MYO9A: variants seen among roughly 807,000 people sequenced by gnomAD.
MYO9A encodes the protein unconventional myosin-IXa.
Under a neutral mutation model 293.3 loss-of-function variants are expected in MYO9A, and 103 were observed. The ratio of observed to expected loss-of-function variants is 0.35; its 90% confidence interval spans 0.30 to 0.41. The LOEUF is 0.41. MYO9A is among the 10% of genes least tolerant of loss of function. MYO9A has a pLI of 1.00. For synonymous variants in MYO9A, 1,001 were observed against 1,035.7 expected, an observed-to-expected ratio of 0.97 and a Z score of 0.64; for missense variants, 2,685 against 3,033.0, an observed-to-expected ratio of 0.89 and a Z score of 2.69.
chr15:72,026,345 C>CA (rs1237266669), intron 4 of MYO9A, among the ~76,000 whole-genome samples: 7 of 133,136 alleles, frequency 5.3e-5, no homozygotes, highest in African/African-American at 2.0e-4. Flanking sequence ...GGAAATTTGA[C>CA]AACACATTCC....
chr15:71,845,572 T>C (rs1433505524), intron 39 of MYO9A, among the ~76,000 whole-genome samples: 1 of 152,218 alleles, frequency 6.6e-6, no homozygotes, highest in East Asian at 1.9e-4. Flanking sequence ...TCTGTACTAA[T>C]TACATACAAG....
chr15:72,019,597 T>C (rs2077441298), intron 5 of MYO9A, among the ~76,000 whole-genome samples: 1 of 152,184 alleles, frequency 6.6e-6, no homozygotes, highest in African/African-American at 2.4e-5. Context: ...ATTAATAATA[T>C]TATATCAGAA....
intron 2 of MYO9A, among the ~76,000 whole-genome samples, chr15:72,040,606 G>GT (rs941705095): frequency 1.3e-5 from 2 of 152,090 alleles, no homozygotes; most frequent in African/African-American, 4.8e-5. Context: ...AGTATTTTCC[G>GT]TTTTTTTGAG....
rs540469209 is a variant in MYO9A, at chr15:72,023,940, A to C, written c.999-2923T>G. On this transcript the variant is annotated intron_variant, in intron 4 of 41. Transcript: ENST00000356056. ...AAAGACAAAGAATTTTGAAAGCACC[A>C]AGAGAGAAATTCCTCATCAAGGAAT... 4.5e-4 allele frequency among the ~76,000 whole-genome samples: 69 copies of C among 152,278 alleles called. 1 individual carries two copies. In the South Asian group the frequency reaches 0.014, roughly 31 times the overall value.
rs1413458727 is a variant in MYO9A at position 71,859,796 on chromosome 15, A to G, written c.6092T>C (p.Leu2031Ser). The G allele has an allele frequency of 1.9e-6, 3 of 1,612,808 alleles. No individual in the cohort carries two copies. The highest frequency in any genetic ancestry group is 2.5e-6 in the Non-Finnish European group (3 of 1,179,274). Residue 2031 changes from leucine (L) to serine (S), a missense_variant and splice_region_variant, in exon 34 of 42, where the codon TTA becomes TCA. By Grantham distance (145) the Leu-to-Ser change is moderately radical. Around this residue, in one of 10 missense-constraint regions of MYO9A, gnomAD observed 238 missense variants for 269.1 expected, o/e 0.88. Coordinates refer to ENST00000356056, the MANE Select transcript of MYO9A (RefSeq NM_006901.4). ...CTTCTTATGGCAAGCATACTTGCAT[A>G]CTGAAAAATAGGTGAGGAATGCAAC... Reference protein sequence around the residue: ...WIMDRASVCKLCKYACHKKCC... With the variant: ...WIMDRASVCKSCKYACHKKCC...
Position 71,999,907 on chromosome 15 carries a change from T to TA in MYO9A, c.1413dup (p.Thr472TyrfsTer29). ...TCTCCCACTGTCACCGTCTTCCTTG[T>TA]AACTAATGCTTCAAATAGCATCTCT... On this transcript the variant is annotated frameshift_variant, in exon 9 of 42. Coordinates refer to ENST00000356056, the MANE Select transcript of MYO9A (RefSeq NM_006901.4). LOFTEE classifies it high-confidence loss of function. 6.2e-7 allele frequency: 1 copy of TA among 1,612,834 alleles called. No individual in the cohort carries two copies. Among genetic ancestry groups the TA allele is most frequent in the Non-Finnish European group, 8.5e-7 (1 of 1,179,544 alleles).
chr15:72,078,300 C>G (rs1261538068), intron 1 of MYO9A, among the ~76,000 whole-genome samples: 1 of 152,078 alleles, frequency 6.6e-6, no homozygotes, highest in Non-Finnish European at 1.5e-5. Flanking sequence ...TCAAGACCAG[C>G]CTGGGCAATG....
chr15:71,833,113 C>T (rs551555340), intron 39 of MYO9A, among the ~76,000 whole-genome samples: 1 of 151,602 alleles, frequency 6.6e-6, no homozygotes, highest in East Asian at 1.9e-4. Flanking sequence ...ATAAAAAGCA[C>T]ATAAAAAACA....
intron 10 of MYO9A, among the ~76,000 whole-genome samples, chr15:71,992,603 A>C (rs1392918858): frequency 1.3e-5 from 2 of 152,178 alleles, no homozygotes; most frequent in African/African-American, 4.8e-5. Context: ...GTTTACCTGA[A>C]GCATGAAAAA....
chr15:72,087,183 G>A (rs2079765076), intron 1 of MYO9A, among the ~76,000 whole-genome samples: 1 of 152,336 alleles, frequency 6.6e-6, no homozygotes, highest in Admixed American at 6.5e-5. Flanking sequence ...GGCGCAACCA[G>A]GCTGGGTCCC....
chr15:71,960,985 T>C (rs117157597), intron 13 of MYO9A, among the ~76,000 whole-genome samples: 2,664 of 152,242 alleles, frequency 0.017, 35 homozygotes, highest in Non-Finnish European at 0.026. Context: ...AAATAGGCTA[T>C]TTAGACTCTG....
At chr15:71,870,269 G>A (rs1439652283) in intron 32 of MYO9A, among the ~76,000 whole-genome samples, 1 of 151,810 alleles carries the variant, frequency 6.6e-6, no homozygotes, top group Non-Finnish European at 1.5e-5. Context: ...ACAAAGAAAG[G>A]AGTAATTAAA....
chr15:71,829,560 A>G (rs1268625163), intron 40 of MYO9A, among the ~76,000 whole-genome samples: 4 of 151,306 alleles, frequency 2.6e-5, no homozygotes, highest in African/African-American at 7.3e-5. Flanking sequence ...CCTATCTAGT[A>G]TCCTAGCACC....
chr15:72,080,748 TTCTC>T (rs1316217846), intron 1 of MYO9A, among the ~76,000 whole-genome samples: 3 of 152,222 alleles, frequency 2.0e-5, no homozygotes, highest in East Asian at 3.9e-4. Flanking sequence ...TTTTTCCTGA[TTCTC>T]TCTCTGCTCC....
chr15:72,036,088 T>C lies in MYO9A; in HGVS notation c.841-3500A>G, dbSNP rs192949569. Among the ~76,000 whole-genome samples the C allele has an allele frequency of 3.3e-3, 496 of 152,246 alleles. 1 individual carries two copies. The highest frequency in any genetic ancestry group is 4.5e-3 in the Non-Finnish European group (307 of 68,018). On this transcript the variant is annotated intron_variant, in intron 2 of 41. Coordinates refer to ENST00000356056, the MANE Select transcript of MYO9A (RefSeq NM_006901.4). ...GGCACAAAAAAGACAATTTCAGATA[T>C]ACATAGTTGAAAATATTCATCACAA...
intron 30 of MYO9A, among the ~76,000 whole-genome samples, chr15:71,879,483 C>T (rs1271673927): frequency 6.6e-6 from 1 of 152,136 alleles, no homozygotes; most frequent in African/African-American, 2.4e-5. Context: ...AAAAAAACAG[C>T]TGTAAGGTGG....
intron 28 of MYO9A, among the ~76,000 whole-genome samples, chr15:71,882,481 A>G (rs974907781): frequency 1.3e-4 from 20 of 152,098 alleles, no homozygotes; most frequent in Non-Finnish European, 2.9e-4. Context: ...TTAAAATAAG[A>G]GCTATGGGAC....
At chr15:71,906,758 C>CTTTCTTTTTTTTTTTCTTTTTTTT (rs765264146) in intron 19 of MYO9A, among the ~76,000 whole-genome samples, 1 of 61,012 alleles carries the variant, frequency 1.6e-5, no homozygotes, top group Non-Finnish European at 3.1e-5. Flanking sequence ...CCATTTCTTT[C>CTTTCTTTTTTTTTTTCTTTTTTTT]TTTTTTTTTT....
chr15:71,830,253 C>T lies in MYO9A; in HGVS notation c.6896G>A (p.Arg2299Gln), dbSNP rs1199432106. The change falls in exon 40 of 42, where the codon CGG becomes CAG. Residue 2299 changes from arginine (R) to glutamine (Q), a missense_variant. Transcript: ENST00000356056. ...YPGPSSPVVV[R>Q]LPSVSDVSEE... ...TGAGACATCAGACACAGAAGGCAAC[C>T]GAACTACAACAGGAGACGATGGACC... 12 of 1,613,910 alleles carry T rather than the reference C, an allele frequency of 7.4e-6. No homozygotes were observed. The highest frequency in any genetic ancestry group is 4.5e-5 in the East Asian group (2 of 44,886).
Sources: gnomAD v4.1 joint callset for allele counts (sites outside exome capture counted in the v4.1 genomes callset) on GRCh38, gnomAD v4.1.1 for gene constraint, gnomAD v4.1.1 regional missense constraint, MANE v1.5 for transcripts, NCBI Gene and HGNC (gene_info 2026-07-23, HGNC 2026-07-21) for gene names.